Variants in FAAP20 observed in about 807,000 individuals in gnomAD.
The protein encoded by FAAP20 is Fanconi anemia core complex-associated protein 20.
In FAAP20, 12 loss-of-function variants were observed where a neutral mutation model predicts 16.2. That is an observed-to-expected ratio of 0.74 (90% CI 0.48 to 1.20). The LOEUF (loss-of-function observed/expected upper bound fraction) is 1.20. FAAP20 is among the 50% of genes most tolerant of loss of function. FAAP20 has a pLI of 0.00. For missense variants in FAAP20, 288 were observed against 245.8 expected, an observed-to-expected ratio of 1.17 and a Z score of -1.15; for synonymous variants, 141 against 110.7, an observed-to-expected ratio of 1.27 and a Z score of -1.72.
chr1:2,188,273 G>A (rs573083531), downstream of FAAP20, among the ~76,000 whole-genome samples: 19 of 152,222 alleles, frequency 1.2e-4, no homozygotes, highest in African/African-American at 4.3e-4. Flanking sequence ...CCAGGCAGAC[G>A]GTGGCTGACG....
chr1:2,196,195 T>C (rs1688815819), upstream of FAAP20, among the ~76,000 whole-genome samples: 1 of 152,176 alleles, frequency 6.6e-6, no homozygotes, highest in Admixed American at 6.5e-5. This position sits in a 1 kb window ranked among gnomAD's most constrained non-coding sequence, Gnocchi z 4.5. Flanking sequence ...CTTCTGGGTC[T>C]TTCCTGGAAA....
At position 2,193,923 on chromosome 1, in the gene FAAP20, G is replaced by C. The variant is rs201318844; in HGVS notation, c.199-13C>G. The C allele has an allele frequency of 2.0e-5, 32 of 1,612,356 alleles. 1 individual carries two copies. Among genetic ancestry groups the C allele is most frequent in the South Asian group, 1.2e-4 (11 of 91,066 alleles). ...CGCACCTGGGCTCCTGCAACACAGAGTTGTTGGGCCTTGCCCAGCGATGGC... is the reference window on the plus strand; with the variant it reads ...CGCACCTGGGCTCCTGCAACACAGACTTGTTGGGCCTTGCCCAGCGATGGC... On this transcript the variant is annotated splice_polypyrimidine_tract_variant and intron_variant, in intron 2 of 3. Transcript: ENST00000378546.
At chr1:2,200,451 C>T (rs1689005858), upstream of FAAP20, 1 of 170,586 alleles carries the variant, frequency 5.9e-6, no homozygotes. Context: ...AGGAAGGAGG[C>T]TTTGGGGTTG....
intron 3 of FAAP20, 117 bp downstream of exon 3, chr1:2,193,522 T>G (rs1486031117): frequency 6.8e-7 from 1 of 1,460,292 alleles, no homozygotes; most frequent in Non-Finnish European, 9.1e-7. Flanking sequence ...ACCTTTCCAG[T>G]GTGAAACAGG....
At chr1:2,191,781 C>A (rs919677898) in intron 3 of FAAP20, 2 of 972,000 alleles carry the variant, frequency 2.1e-6, no homozygotes, top group Admixed American at 6.2e-5. Context: ...CAGGGCCTCG[C>A]CACATCAACA....
At chr1:2,199,722 A>G, upstream of FAAP20, 1 of 820,076 alleles carries the variant, frequency 1.2e-6, no homozygotes, top group African/African-American at 1.9e-5. This position sits in a 1 kb window ranked among gnomAD's most constrained non-coding sequence, Gnocchi z 4.5. Context: ...TAATCAAACC[A>G]GGATGAGGCG....
Position 2,194,718 on chromosome 1 carries a change from A to G in FAAP20, c.32T>C (p.Leu11Ser). ...CGCCGGGCGCGGCCTCCGGCGGCTC[A>G]ACCCCAGCCGCGGCCTCCGCGCCGC... MEAARRPRLG[L>S]SRRRPRPAGG... The change falls in exon 1 of 4, where the codon TTG becomes TCG. Residue 11 changes from leucine (L) to serine (S), a missense_variant. Transcript: ENST00000378546. 2 of 1,186,466 alleles carry G rather than the reference A, an allele frequency of 1.7e-6. No homozygotes were observed. Among genetic ancestry groups the G allele is most frequent in the Non-Finnish European group, 2.1e-6 (2 of 961,694 alleles). The allele number at this position is 1,186,466 out of a possible 1,614,324, so 73.5% of individuals were successfully genotyped here. A position where few individuals can be genotyped will look rare whatever the true frequency, so the allele number is the denominator to read the frequency against.
chr1:2,189,022 A>C (rs12145923), downstream of FAAP20, among the ~76,000 whole-genome samples: 4,966 of 144,410 alleles, frequency 0.034, 118 homozygotes, highest in Non-Finnish European at 0.053. Flanking sequence ...AAAAAAAAAA[A>C]AAAAAACAAA....
chr1:2,184,537 G>A, downstream of FAAP20: 2 of 1,459,744 alleles, frequency 1.4e-6, no homozygotes, highest in Non-Finnish European at 1.9e-6. Context: ...ATCTGGTAGG[G>A]ATGATGCCCG....
At chr1:2,185,254 G>C (rs373583033), downstream of FAAP20, 2 of 714,280 alleles carry the variant, frequency 2.8e-6, no homozygotes, top group African/African-American at 3.5e-5. Context: ...CGGCGGATCC[G>C]CGGGGACCCT....
intron 3 of FAAP20, among the ~76,000 whole-genome samples, chr1:2,206,053 C>T (rs1158388021): frequency 6.6e-6 from 1 of 152,246 alleles, no homozygotes; most frequent in East Asian, 1.9e-4. Context: ...ACTGGGGCTC[C>T]ATCATTACGT....
downstream of FAAP20, among the ~76,000 whole-genome samples, chr1:2,186,500 C>G (rs1687615397): frequency 6.7e-6 from 1 of 149,172 alleles, no homozygotes; most frequent in Non-Finnish European, 1.5e-5. Context: ...ACACCCGCCC[C>G]CCCCCGGCCA....
At chr1:2,184,531 G>A, downstream of FAAP20, 1 of 1,390,906 alleles carries the variant, frequency 7.2e-7, no homozygotes, top group African/African-American at 1.4e-5. Context: ...CACTCAATCT[G>A]GTAGGGATGA....
downstream of FAAP20, among the ~76,000 whole-genome samples, chr1:2,188,989 AGC>A (rs1194316366): frequency 6.4e-5 from 9 of 140,280 alleles, no homozygotes; most frequent in Non-Finnish European, 1.1e-4. Context: ...TGGGCGACAG[AGC>A]GAGACTCCGT....
At chr1:2,189,333 A>T (rs1236606635), downstream of FAAP20, among the ~76,000 whole-genome samples, 1 of 149,616 alleles carries the variant, frequency 6.7e-6, no homozygotes, top group African/African-American at 2.5e-5. Context: ...CCCTGTCTCA[A>T]AAAAAAAAAA....
At chr1:2,189,011 G>A (rs28594266), downstream of FAAP20, among the ~76,000 whole-genome samples, 3,237 of 104,276 alleles carry the variant, frequency 0.031, 24 homozygotes, top group Middle Eastern at 0.054. Context: ...TCTCAAAAAA[G>A]AAAAAAAAAA....
upstream of FAAP20, chr1:2,194,783 C>T: frequency 8.8e-7 from 1 of 1,139,670 alleles, no homozygotes; most frequent in Non-Finnish European, 1.1e-6. Context: ...GAGCGCAAGC[C>T]CCGCCCCCGC....
At chr1:2,192,906 TTTG>T (rs142041547) in intron 3 of FAAP20, 90 of 1,296,692 alleles carry the variant, frequency 6.9e-5, no homozygotes, top group Middle Eastern at 2.2e-4. Flanking sequence ...GGCCTTTTCT[TTTG>T]TTGTTGTTGT....
At chr1:2,186,500 C>CG (rs1237756628), downstream of FAAP20, among the ~76,000 whole-genome samples, 12 of 149,172 alleles carry the variant, frequency 8.0e-5, 1 homozygote, top group Admixed American at 2.0e-4. Context: ...ACACCCGCCC[C>CG]CCCCCGGCCA....
Sources: allele counts gnomAD v4.1 joint callset (sites outside exome capture counted in the v4.1 genomes callset), GRCh38; gene constraint gnomAD v4.1.1; non-coding constraint Gnocchi (gnomAD v3.1); transcripts MANE v1.5; gene names NCBI Gene and HGNC (gene_info 2026-07-23, HGNC 2026-07-21).